Variants in UBR2 observed in about 807,000 individuals in gnomAD.
UBR2 encodes E3 ubiquitin-protein ligase UBR2.
In UBR2, 92 loss-of-function variants were observed where a neutral mutation model predicts 247.9. The ratio of observed to expected loss-of-function variants is 0.37; its 90% CI spans 0.31 to 0.44. UBR2 has a LOEUF of 0.44. Ranked by LOEUF, UBR2 falls within the 20% of genes least tolerant of loss-of-function variation. The probability of loss-of-function intolerance (pLI) is 1.00; values close to 1 mark genes in which losing one functional copy is unlikely to be tolerated. For synonymous variants in UBR2, 672 were observed against 693.5 expected (o/e 0.97, Z 0.49); for missense variants, 1,613 against 2,112.6 (o/e 0.76, Z 4.64).
At position 42,572,854 on chromosome 6, in the gene UBR2, G is replaced by A. The variant is rs149443213; in HGVS notation, c.79-880G>A. ...TGAGTAACTGTGATTACAGGCATGC[G>A]CCACCACATCCAGCTAATTTTTATA... On this transcript the variant is annotated intron_variant, in intron 1 of 46. Transcript: ENST00000372901. 3.0e-3 allele frequency among the ~76,000 whole-genome samples: 457 copies of A among 152,084 alleles called. 3 individuals carry two copies. Among genetic ancestry groups the A allele is most frequent in the African/African-American group, 0.01 (431 of 41,486 alleles).
At chr6:42,640,769 A>G (rs1163092175) in intron 16 of UBR2, among the ~76,000 whole-genome samples, 3 of 151,942 alleles carry the variant, frequency 2.0e-5, no homozygotes, top group African/African-American at 7.3e-5. Context: ...TCACTCTGTC[A>G]CCCAGGCTGG....
intron 30 of UBR2, among the ~76,000 whole-genome samples, chr6:42,661,460 C>G (rs1021023338): frequency 2.6e-5 from 4 of 152,058 alleles, no homozygotes; most frequent in Non-Finnish European, 5.9e-5. Flanking sequence ...CAAATTAAAA[C>G]TATTAAAGCA....
At chr6:42,594,558 T>C (rs1240036927) in intron 4 of UBR2, among the ~76,000 whole-genome samples, 3 of 152,226 alleles carry the variant, frequency 2.0e-5, no homozygotes, top group African/African-American at 4.8e-5. Flanking sequence ...TGAAGTTTAT[T>C]TGAGTACTAA....
intron 39 of UBR2, 66 bp downstream of exon 39, chr6:42,676,257 T>G: frequency 1.4e-6 from 2 of 1,469,282 alleles, no homozygotes; most frequent in Non-Finnish European, 1.8e-6. Context: ...TTAAAAAAAG[T>G]ATTAGAGGAA....
intron 13 of UBR2, among the ~76,000 whole-genome samples, chr6:42,633,619 G>T (rs1795896279): frequency 6.6e-6 from 1 of 152,170 alleles, no homozygotes; most frequent in Admixed American, 6.5e-5. Flanking sequence ...TCGAACTCCT[G>T]ACCTCAAGTG....
intron 44 of UBR2, among the ~76,000 whole-genome samples, chr6:42,686,181 G>C (rs1301657134): frequency 5.9e-5 from 9 of 151,640 alleles, no homozygotes; most frequent in Non-Finnish European, 1.3e-4. Context: ...AGCAGATAAA[G>C]ATGTGAACAA....
chr6:42,640,627 C>T (rs1051749648), intron 16 of UBR2, among the ~76,000 whole-genome samples: 13 of 152,144 alleles, frequency 8.5e-5, no homozygotes, highest in African/African-American at 3.1e-4. Flanking sequence ...AGAATTCCTT[C>T]TTCCATGGGG....
chr6:42,681,588 G>T (rs77726833), intron 42 of UBR2, among the ~76,000 whole-genome samples: 7 of 51,208 alleles, frequency 1.4e-4, no homozygotes. Context: ...TTTAAAAAAA[G>T]AAAATTACAA....
At chr6:42,639,876 T>C (rs1796316066) in intron 15 of UBR2, among the ~76,000 whole-genome samples, 1 of 151,828 alleles carries the variant, frequency 6.6e-6, no homozygotes, top group African/African-American at 2.4e-5. Context: ...AAAGCCTCTT[T>C]TATTAGCCGG....
At chr6:42,619,016 T>A (rs1014818238) in intron 11 of UBR2, among the ~76,000 whole-genome samples, 2 of 152,174 alleles carry the variant, frequency 1.3e-5, no homozygotes, top group Non-Finnish European at 2.9e-5. Flanking sequence ...GCCTCTGAGA[T>A]GATCCTGTGT....
intron 22 of UBR2, 60 bp from the exon 23 acceptor site, chr6:42,650,222 CTA>C (rs1280923425): frequency 2.2e-6 from 3 of 1,342,034 alleles, no homozygotes; most frequent in Non-Finnish European, 3.2e-6. Context: ...ATATCCAAGA[CTA>C]TCTCTCATAA....
chr6:42,640,421 TGTGTGTGTGTG>T, intron 16 of UBR2, 151 bp downstream of exon 16: 1 of 510,712 alleles, frequency 2.0e-6, no homozygotes. Context: ...TGTGTGTGTG[TGTGTGTGTGTG>T]TGTATAGATA....
intron 7 of UBR2, among the ~76,000 whole-genome samples, chr6:42,609,498 A>G (rs1175710946): frequency 2.0e-5 from 3 of 152,190 alleles, no homozygotes; most frequent in African/African-American, 7.2e-5. Flanking sequence ...ACCATATACA[A>G]AAACTTACTA....
At chr6:42,687,772 C>T (rs1471889368) in intron 44 of UBR2, among the ~76,000 whole-genome samples, 2 of 152,142 alleles carry the variant, frequency 1.3e-5, no homozygotes, top group African/African-American at 2.4e-5. Context: ...AACTCCTGAC[C>T]TCAGTTGATC....
intron 8 of UBR2, among the ~76,000 whole-genome samples, chr6:42,613,338 GAA>G (rs1378952649): frequency 6.6e-6 from 1 of 152,202 alleles, no homozygotes; most frequent in Admixed American, 6.6e-5. Flanking sequence ...AGGGCTTTTA[GAA>G]AAGAGCATTA....
chr6:42,680,504 C>G (rs1343884426), intron 42 of UBR2, among the ~76,000 whole-genome samples: 1 of 152,102 alleles, frequency 6.6e-6, no homozygotes, highest in African/African-American at 2.4e-5. Context: ...CCTTTGAACT[C>G]CTGGGCTGAG....
chr6:42,614,205 A>AAAAAAAAAAATAT (rs1562310782), intron 8 of UBR2, among the ~76,000 whole-genome samples: 1 of 26,604 alleles, frequency 3.8e-5, no homozygotes, highest in Non-Finnish European at 6.7e-5. Context: ...AAAAAAAAAA[A>AAAAAAAAAAATAT]CTATATATAT....
chr6:42,624,738 C>G (rs1795227974), intron 11 of UBR2, among the ~76,000 whole-genome samples: 1 of 152,070 alleles, frequency 6.6e-6, no homozygotes, highest in Non-Finnish European at 1.5e-5. Flanking sequence ...GGTCAAAGGA[C>G]TGGTTGAATT....
chr6:42,664,495 G>T (rs941846189), intron 32 of UBR2, among the ~76,000 whole-genome samples: 1 of 152,134 alleles, frequency 6.6e-6, no homozygotes, highest in African/African-American at 2.4e-5. Context: ...GAGTATAAAC[G>T]ATCCATTTCT....
Sources: allele counts gnomAD v4.1 joint callset (sites outside exome capture counted in the v4.1 genomes callset), GRCh38; gene constraint gnomAD v4.1.1; transcripts MANE v1.5; gene names NCBI Gene and HGNC (gene_info 2026-07-23, HGNC 2026-07-21).